The following IGF2BP2 variants were observed in gnomAD, a reference collection of about 807,000 sequenced individuals.
IGF2BP2 encodes insulin like growth factor 2 mRNA binding protein 2.
IGF2BP2 carries 17 observed loss-of-function variants against 75.8 expected under a neutral mutation model. That is an observed-to-expected ratio of 0.22 (90% CI 0.15 to 0.34). The LOEUF (loss-of-function observed/expected upper bound fraction) is 0.34. IGF2BP2 is among the 10% of genes least tolerant of loss of function. The probability of loss-of-function intolerance (pLI) is 1.00; values close to 1 mark genes in which losing one functional copy is unlikely to be tolerated. For synonymous variants in IGF2BP2, 288 were observed against 295.6 expected, an observed-to-expected ratio of 0.97 and a Z score of 0.26; for missense variants, 516 against 772.4, an observed-to-expected ratio of 0.67 and a Z score of 3.93.
chr3:185,781,209 T>A (rs1221801451), intron 2 of IGF2BP2, among the ~76,000 whole-genome samples: 10 of 152,128 alleles, frequency 6.6e-5, no homozygotes, highest in African/African-American at 2.2e-4. Context: ...TCTGCATTTT[T>A]AAAAAAATTG....
chr3:185,660,753 T>C (rs745953680), intron 10 of IGF2BP2, among the ~76,000 whole-genome samples: 9 of 152,232 alleles, frequency 5.9e-5, no homozygotes, highest in Non-Finnish European at 1.2e-4. Context: ...TGCAGGTCCG[T>C]GTCCTGGGCC....
intron 10 of IGF2BP2, among the ~76,000 whole-genome samples, chr3:185,666,868 T>C (rs1717720291): frequency 6.6e-6 from 1 of 152,196 alleles, no homozygotes. Flanking sequence ...CAAACAAAAG[T>C]TGGTAGGCCC....
intron 10 of IGF2BP2, among the ~76,000 whole-genome samples, chr3:185,668,357 G>T (rs1465344436): frequency 2.6e-5 from 4 of 151,862 alleles, no homozygotes; most frequent in Admixed American, 6.6e-5. Flanking sequence ...TATATGCCGA[G>T]AAAACTTTTT....
chr3:185,794,823 C>A (rs1737133985), intron 2 of IGF2BP2, among the ~76,000 whole-genome samples: 1 of 152,080 alleles, frequency 6.6e-6, no homozygotes, highest in South Asian at 2.1e-4. Flanking sequence ...AACTCCCCAT[C>A]CTCCCCCTTC....
chr3:185,784,002 A>C (rs948574109), intron 2 of IGF2BP2, among the ~76,000 whole-genome samples: 1 of 152,194 alleles, frequency 6.6e-6, no homozygotes, highest in Non-Finnish European at 1.5e-5. Flanking sequence ...TGGGAGGCCA[A>C]GGCAGGCAGA....
Position 185,678,542 on chromosome 3 carries a change from T to C in IGF2BP2, c.813-2629A>G, listed in dbSNP as rs60681050. Among the ~76,000 whole-genome samples, 937 of 152,340 alleles carry C rather than the reference T, an allele frequency of 6.2e-3. 8 individuals carry two copies. Among genetic ancestry groups the C allele is most frequent in the African/African-American group, 0.021 (884 of 41,586 alleles). ...GTATAATTTCAATCTTCTTGAATTT[T>C]TTAAGATTTGTTTTGTATGTTCTCT... is the stretch of plus-strand genomic sequence containing the variant. On this transcript the variant is annotated intron_variant, in intron 7 of 15. Coordinates refer to ENST00000382199, the MANE Select transcript of IGF2BP2 (RefSeq NM_006548.6).
At chr3:185,694,051 C>T (rs1368072143) in intron 4 of IGF2BP2, among the ~76,000 whole-genome samples, 1 of 152,190 alleles carries the variant, frequency 6.6e-6, no homozygotes, top group African/African-American at 2.4e-5. Flanking sequence ...AAAGCAGCTG[C>T]AGCCTTTATG....
chr3:185,677,189 G>C (rs773086811), intron 7 of IGF2BP2, among the ~76,000 whole-genome samples: 1 of 150,738 alleles, frequency 6.6e-6, no homozygotes, highest in Non-Finnish European at 1.5e-5. Flanking sequence ...GAAGAGCAAA[G>C]GGGAGGAAAC....
At chr3:185,811,612 A>T (rs946479931) in intron 2 of IGF2BP2, among the ~76,000 whole-genome samples, 1 of 152,208 alleles carries the variant, frequency 6.6e-6, no homozygotes, top group Non-Finnish European at 1.5e-5. Flanking sequence ...AAATGGCAGC[A>T]GTTGGCTGGA....
intron 2 of IGF2BP2, among the ~76,000 whole-genome samples, chr3:185,707,224 CAA>C (rs1171145824): frequency 8.1e-5 from 7 of 86,098 alleles, no homozygotes; most frequent in East Asian, 3.8e-4. Context: ...AACTCCATCT[CAA>C]AAAAAAAAAA....
intron 2 of IGF2BP2, among the ~76,000 whole-genome samples, chr3:185,726,037 G>C (rs1262324598): frequency 6.6e-6 from 1 of 152,182 alleles, no homozygotes; most frequent in Non-Finnish European, 1.5e-5. Context: ...CCTTGAAAAT[G>C]GATGAGATCA....
intron 10 of IGF2BP2, among the ~76,000 whole-genome samples, chr3:185,666,547 T>C (rs999204300): frequency 4.6e-5 from 7 of 152,124 alleles, no homozygotes; most frequent in Non-Finnish European, 1.0e-4. Flanking sequence ...GGAGAATTAC[T>C]TGAACCCGGA....
chr3:185,668,990 G>A (rs1490793793), intron 10 of IGF2BP2, among the ~76,000 whole-genome samples: 4 of 151,902 alleles, frequency 2.6e-5, no homozygotes, highest in Non-Finnish European at 5.9e-5. Flanking sequence ...TATAACTGAG[G>A]GGCCAAAAAT....
intron 2 of IGF2BP2, among the ~76,000 whole-genome samples, chr3:185,753,763 T>C (rs1421158428): frequency 6.6e-6 from 1 of 152,186 alleles, no homozygotes; most frequent in Non-Finnish European, 1.5e-5. Context: ...CCAAAGCTCA[T>C]GTTGAAATGT....
intron 2 of IGF2BP2, among the ~76,000 whole-genome samples, chr3:185,760,079 C>T (rs1302862415): frequency 6.6e-6 from 1 of 152,104 alleles, no homozygotes; most frequent in African/African-American, 2.4e-5. Context: ...CAATGAAAAG[C>T]CATTTCCTTA....
chr3:185,823,255 C>G lies in IGF2BP2; in HGVS notation c.179-42G>C, dbSNP rs186312770. The G allele has an allele frequency of 2.5e-4, 381 of 1,523,600 alleles. No homozygotes were observed. In the African/African-American group the frequency reaches 4.6e-3, roughly 19 times the overall value. 94.4% of individuals were successfully genotyped at this position (1,523,600 alleles called of 1,614,324 possible). Reference sequence around the variant, plus strand: ...AAAGCACTCAGAACCTTGCTTAGATCAAGCCCGCGGGGGTCTAGGGGGGGC... The same window carrying G: ...AAAGCACTCAGAACCTTGCTTAGATGAAGCCCGCGGGGGTCTAGGGGGGGC... On this transcript the variant is annotated intron_variant, in intron 1 of 15. Transcript: ENST00000382199.
chr3:185,766,428 C>CT (rs959634179), intron 2 of IGF2BP2, among the ~76,000 whole-genome samples: 1 of 151,878 alleles, frequency 6.6e-6, no homozygotes, highest in African/African-American at 2.4e-5. Context: ...ATGTTTTTCC[C>CT]TTTTTTTAAA....
intron 2 of IGF2BP2, among the ~76,000 whole-genome samples, chr3:185,706,147 T>C (rs1175597878): frequency 6.6e-6 from 1 of 152,198 alleles, no homozygotes; most frequent in African/African-American, 2.4e-5. Context: ...GGTGGGAGGA[T>C]GGCTTGAGTC....
At chr3:185,783,462 G>A (rs1445860690) in intron 2 of IGF2BP2, among the ~76,000 whole-genome samples, 1 of 152,160 alleles carries the variant, frequency 6.6e-6, no homozygotes, top group Non-Finnish European at 1.5e-5. Context: ...AGGACAAAGA[G>A]TTCCCAAGAT....
Sources: allele counts gnomAD v4.1 joint callset (sites outside exome capture counted in the v4.1 genomes callset), GRCh38; gene constraint gnomAD v4.1.1; transcripts MANE v1.5; gene names NCBI Gene and HGNC (gene_info 2026-07-23, HGNC 2026-07-21).